Variants in ACSF3 observed in about 807,000 individuals in gnomAD.
ACSF3 encodes the protein acyl-CoA synthetase family member 3.
In ACSF3, 78 loss-of-function variants were observed where a neutral mutation model predicts 53.2. The observed-to-expected ratio is 1.47, with a 90% confidence interval of 1.22 to 1.77. The LOEUF (loss-of-function observed/expected upper bound fraction) is 1.77, where lower values mean the gene tolerates loss of function less well. Ranked by LOEUF, ACSF3 falls within the 40% of genes most tolerant of loss-of-function variation. The pLI, the probability that ACSF3 is intolerant of heterozygous loss-of-function variation, is 0.00. For missense variants in ACSF3, 937 were observed against 771.1 expected (o/e 1.22, Z -2.55); for synonymous variants, 414 against 333.1 (o/e 1.24, Z -2.65).
chr16:89,120,969 AG>A, intron 7 of ACSF3, 56 bp downstream of exon 7: 1 of 1,523,416 alleles, frequency 6.6e-7, no homozygotes, highest in South Asian at 1.1e-5. Context: ...TAGGCCCCCC[AG>A]GGTGGTTACA....
chr16:89,138,220 G>T (rs1024817303), intron 8 of ACSF3, among the ~76,000 whole-genome samples: 3 of 152,224 alleles, frequency 2.0e-5, no homozygotes, highest in African/African-American at 7.2e-5. Context: ...TAACGAGGTG[G>T]ACGCTGAGCC....
chr16:89,142,634 C>G (rs987768191), intron 8 of ACSF3, among the ~76,000 whole-genome samples: 2 of 151,560 alleles, frequency 1.3e-5, no homozygotes, highest in East Asian at 3.9e-4. Flanking sequence ...GACACCTACA[C>G]CTGCAGGCAC....
Position 89,114,109 on chromosome 16 carries a change from A to G in ACSF3, c.978-230A>G, listed in dbSNP as rs544549449. ...TGTTGGACCTGCTTCCTTCTAAAAT[A>G]CACCCAACAGATCGTTTTCAAAAAA... is the stretch of plus-strand genomic sequence containing the variant. On this transcript the variant is annotated intron_variant, in intron 5 of 10. Coordinates refer to ENST00000614302, the MANE Select transcript of ACSF3 (RefSeq NM_001243279.3). 20 of 608,406 alleles carry G rather than the reference A, an allele frequency of 3.3e-5. No individual in the cohort carries two copies. In the East Asian group the frequency reaches 4.8e-4, roughly 15 times the overall value. The allele number at this position is 608,406 out of a possible 1,614,324, so 37.7% of individuals were successfully genotyped here.
chr16:89,107,546 G>T (rs1976156695), intron 4 of ACSF3, among the ~76,000 whole-genome samples: 1 of 152,222 alleles, frequency 6.6e-6, no homozygotes, highest in East Asian at 1.9e-4. Flanking sequence ...TACATCAAAT[G>T]CAGTTTGTTC....
Position 89,100,806 on chromosome 16 carries a change from G to A in ACSF3, c.125G>A (p.Arg42Lys), listed in dbSNP as rs1216380998. The A allele has an allele frequency of 6.2e-7, 1 of 1,612,766 alleles. No homozygotes were observed. The highest frequency in any genetic ancestry group is 1.7e-5 in the Admixed American group (1 of 60,032). ...ACAGCCCCAGTGGCCCGCTCGGACAGGAGCGCCCCGGTGTTCACCCGTGCC... is the reference window on the plus strand; with the variant it reads ...ACAGCCCCAGTGGCCCGCTCGGACAAGAGCGCCCCGGTGTTCACCCGTGCC... ...LHTAPVARSD[R>K]SAPVFTRALA... Residue 42 changes from arginine (R) to lysine (K), a missense_variant, in exon 3 of 11, where the codon AGG becomes AAG. Transcript: ENST00000614302.
intron 1 of ACSF3, among the ~76,000 whole-genome samples, chr16:89,095,909 C>G (rs1050174638): frequency 6.6e-6 from 1 of 152,188 alleles, no homozygotes; most frequent in African/African-American, 2.4e-5. Context: ...CAAGTCGAAG[C>G]CTGTGGTGAC....
chr16:89,108,566 G>A (rs1458422075), intron 4 of ACSF3, among the ~76,000 whole-genome samples: 1 of 152,132 alleles, frequency 6.6e-6, no homozygotes, highest in East Asian at 1.9e-4. Flanking sequence ...CCAGCCCCTG[G>A]CAACCACGAA....
rs376600438 is a variant in ACSF3 at position 89,154,500 on chromosome 16, C to T, written c.*293C>T. 15 of 569,676 alleles carry T rather than the reference C, an allele frequency of 2.6e-5. No homozygotes were observed. The highest frequency in any genetic ancestry group is 2.4e-4 in the East Asian group (6 of 25,018). 35.3% of individuals were successfully genotyped at this position (569,676 alleles called of 1,614,324 possible). On this transcript the variant is annotated 3_prime_UTR_variant, in exon 11 of 11. Transcript: ENST00000614302. ...TGGCCCCACGTGCTGAGGCACCTCC[C>T]GCCCCACAGTGCCCTGCAGTTGCCA...
intron 6 of ACSF3, 99 bp from the exon 7 acceptor site, chr16:89,120,702 G>A: frequency 8.6e-7 from 1 of 1,166,144 alleles, no homozygotes; most frequent in Non-Finnish European, 1.3e-6. Context: ...CCCGCACGTG[G>A]CACACGGGAG....
intron 7 of ACSF3, among the ~76,000 whole-genome samples, chr16:89,129,980 G>T (rs537004271): frequency 6.0e-4 from 92 of 152,270 alleles, no homozygotes; most frequent in African/African-American, 2.2e-3. Flanking sequence ...GGTAATTTTT[G>T]CTTTCAACAG....
At chr16:89,151,272 A>C (rs192946864) in intron 10 of ACSF3, 18 of 446,200 alleles carry the variant, frequency 4.0e-5, no homozygotes, top group African/African-American at 3.0e-4. Flanking sequence ...ACTGCAAAGC[A>C]AATAGCAGGC....
intron 8 of ACSF3, among the ~76,000 whole-genome samples, chr16:89,134,715 C>T (rs1910063628): frequency 6.6e-6 from 1 of 152,212 alleles, no homozygotes; most frequent in African/African-American, 2.4e-5. Context: ...TATTGTTTAC[C>T]TCCTGTTTTA....
intron 10 of ACSF3, chr16:89,151,071 A>G: frequency 2.3e-6 from 3 of 1,288,014 alleles, no homozygotes; most frequent in South Asian, 2.5e-5. Context: ...CAGCATTCTA[A>G]ATATCGGAAG....
At chr16:89,114,315 C>A (rs761663511) in intron 5 of ACSF3, 24 bp from the exon 6 acceptor site, 4 of 1,613,760 alleles carry the variant, frequency 2.5e-6, no homozygotes, top group Middle Eastern at 1.6e-4. Flanking sequence ...AGGGGCTAAA[C>A]CTGCCTTTGG....
chr16:89,116,242 C>T (rs139616224), intron 6 of ACSF3, among the ~76,000 whole-genome samples: 10 of 152,278 alleles, frequency 6.6e-5, no homozygotes, highest in African/African-American at 1.9e-4. Flanking sequence ...GTTGAAAGTC[C>T]GTCGACTCCT....
At chr16:89,107,738 G>C (rs1597921894) in intron 4 of ACSF3, among the ~76,000 whole-genome samples, 1 of 152,322 alleles carries the variant, frequency 6.6e-6, no homozygotes, top group South Asian at 2.1e-4. Flanking sequence ...CCCAGTGCCG[G>C]CTCACAGGCT....
chr16:89,152,200 A>T (rs1914174205), intron 10 of ACSF3: 1 of 152,310 alleles, frequency 6.6e-6, no homozygotes, highest in Admixed American at 6.5e-5. Flanking sequence ...CGTTGGTTAC[A>T]CGTGGAGGTT....
chr16:89,104,555 G>C (rs545329070), intron 4 of ACSF3, among the ~76,000 whole-genome samples: 2 of 152,330 alleles, frequency 1.3e-5, no homozygotes, highest in Non-Finnish European at 2.9e-5. Context: ...CCCTAGTCAG[G>C]TGTGAATTTC....
At chr16:89,140,378 G>A (rs1035254246) in intron 8 of ACSF3, among the ~76,000 whole-genome samples, 4 of 152,050 alleles carry the variant, frequency 2.6e-5, no homozygotes, top group African/African-American at 4.8e-5. Flanking sequence ...ACACACACAC[G>A]GGCACCTGTT....
Sources: gnomAD v4.1 joint callset for allele counts (sites outside exome capture counted in the v4.1 genomes callset) on GRCh38, gnomAD v4.1.1 for gene constraint, MANE v1.5 for transcripts, NCBI Gene and HGNC (gene_info 2026-07-23, HGNC 2026-07-21) for gene names.